Variants in ANK1 observed in about 807,000 individuals in gnomAD.
ANK1 encodes ankyrin 1.
A neutral mutation model predicts 210.4 loss-of-function variants in ANK1; 51 were observed. The ratio of observed to expected loss-of-function variants is 0.24; its 90% confidence interval spans 0.19 to 0.31. ANK1 has a LOEUF of 0.31. Ranked by LOEUF, ANK1 falls within the 10% of genes least tolerant of loss-of-function variation. ANK1 has a pLI of 1.00. For synonymous variants in ANK1, 967 were observed against 1,025.9 expected, an observed-to-expected ratio of 0.94 and a Z score of 1.10; for missense variants, 2,051 against 2,504.4, an observed-to-expected ratio of 0.82 and a Z score of 3.86.
At chr8:41,678,780 TTTTG>T (rs541612560) in intron 37 of ANK1, among the ~76,000 whole-genome samples, 3 of 152,168 alleles carry the variant, frequency 2.0e-5, no homozygotes, top group Non-Finnish European at 2.9e-5. Flanking sequence ...CTAATTCTTT[TTTTG>T]TTTGTTTGTT....
At position 41,727,315 on chromosome 8, in the gene ANK1, C is replaced by T; in HGVS notation, c.361G>A (p.Glu121Lys). 1 of 1,614,160 alleles carries T rather than the reference C, an allele frequency of 6.2e-7. No individual in the cohort carries two copies. The highest frequency in any genetic ancestry group is 8.5e-7 in the Non-Finnish European group (1 of 1,179,996). ...AACTTAACCACTTCCAAGTGGTTCTCTTGTGCTGCCATGTACAGGGGTGTA... is the reference window on the plus strand; with the variant it reads ...AACTTAACCACTTCCAAGTGGTTCTTTTGTGCTGCCATGTACAGGGGTGTA... ...GFTPLYMAAQ[E>K]NHLEVVKFLL... The change falls in exon 5 of 43, where the codon GAG (glutamate) becomes AAG (lysine). Residue 121 changes from glutamate (E) to lysine (K), a missense_variant. Physicochemically the swap from Glu to Lys is moderately conservative, Grantham distance 56. Around this residue, in one of 6 missense-constraint regions of ANK1, gnomAD observed 72 missense variants for 133.5 expected, o/e 0.54. Coordinates refer to ENST00000289734, the MANE Select transcript of ANK1 (RefSeq NM_000037.4).
intron 1 of ANK1, among the ~76,000 whole-genome samples, chr8:41,821,111 C>G (rs976771485): frequency 6.6e-6 from 1 of 152,150 alleles, no homozygotes; most frequent in Non-Finnish European, 1.5e-5. Flanking sequence ...ATAACCAACT[C>G]GAAATATGCT....
chr8:41,767,257 C>A (rs1842030374), intron 1 of ANK1, among the ~76,000 whole-genome samples: 1 of 151,926 alleles, frequency 6.6e-6, no homozygotes, highest in South Asian at 2.1e-4. Flanking sequence ...ACCCGCAGGA[C>A]GGACGCAGAG....
chr8:41,655,797 T>C (rs1348042884), intron 42 of ANK1, 44 bp from the exon 43 acceptor site: 3 of 1,604,230 alleles, frequency 1.9e-6, no homozygotes, highest in Non-Finnish European at 2.6e-6. Context: ...AATGCAAAAG[T>C]GCAACGTCCA....
intron 1 of ANK1, among the ~76,000 whole-genome samples, chr8:41,792,624 C>T (rs1023729677): frequency 2.6e-5 from 4 of 152,068 alleles, no homozygotes; most frequent in Admixed American, 6.5e-5. Flanking sequence ...CCGCTCACAG[C>T]GTGGAGGAGA....
chr8:41,824,832 TC>T (rs1482154589), intron 1 of ANK1, among the ~76,000 whole-genome samples: 1 of 152,106 alleles, frequency 6.6e-6, no homozygotes, highest in Non-Finnish European at 1.5e-5. Flanking sequence ...GTGCCTGAGC[TC>T]ACAGAGCGTG....
At position 41,725,068 on chromosome 8, in the gene ANK1, T is replaced by C. The variant is rs561670567; in HGVS notation, c.613-514A>G. Among the ~76,000 whole-genome samples, 4 of 152,286 alleles carry C rather than the reference T, an allele frequency of 2.6e-5. No homozygotes were observed. The East Asian group carries it at 7.7e-4, about 29-fold the overall frequency. ...TTAGAGGCAGGGTCTCACTATGTTGTCCAGGCTGGTCTCCAATTCCTGGGC... is the reference window on the plus strand; with the variant it reads ...TTAGAGGCAGGGTCTCACTATGTTGCCCAGGCTGGTCTCCAATTCCTGGGC... On this transcript the variant is annotated intron_variant, in intron 6 of 42. Transcript: ENST00000289734.
At chr8:41,735,280 T>C (rs546945987) in intron 2 of ANK1, among the ~76,000 whole-genome samples, 25 of 152,308 alleles carry the variant, frequency 1.6e-4, no homozygotes, top group African/African-American at 5.5e-4. Context: ...GAGCAAAATA[T>C]CAATTCCAAC....
At chr8:41,864,374 A>G (rs1813915704) in intron 1 of ANK1, among the ~76,000 whole-genome samples, 1 of 151,350 alleles carries the variant, frequency 6.6e-6, no homozygotes, top group African/African-American at 2.4e-5. Context: ...TGCCTGGGAG[A>G]CTCTTTTGAT....
At chr8:41,769,120 G>A (rs1382263048) in intron 1 of ANK1, among the ~76,000 whole-genome samples, 2 of 152,372 alleles carry the variant, frequency 1.3e-5, no homozygotes, top group Non-Finnish European at 2.9e-5. Flanking sequence ...TTGCCAAAAA[G>A]AGGGATCTGA....
At position 41,861,400 on chromosome 8, in the gene ANK1, A is replaced by G. The variant is rs542145363; in HGVS notation, c.126+34955T>C. Among the ~76,000 whole-genome samples the G allele has an allele frequency of 2.0e-5, 3 of 152,324 alleles. No homozygotes were observed. In the South Asian group the frequency reaches 6.2e-4, roughly 32 times the overall value. ...CTGCAGGACAGAACCCCCGATGAAC[A>G]TTTGCACTAATAAAGGCTTCGAAAG... On this transcript the variant is annotated intron_variant, in intron 1 of 42. Coordinates refer to the ANK1 transcript ENST00000265709.
At chr8:41,871,396 C>T (rs1477201449) in intron 1 of ANK1, among the ~76,000 whole-genome samples, 2 of 152,188 alleles carry the variant, frequency 1.3e-5, no homozygotes, top group East Asian at 3.9e-4. Flanking sequence ...CAGCGTCAAA[C>T]TCCTGGGTTC....
At chr8:41,762,471 A>G (rs1840707547) in intron 1 of ANK1, among the ~76,000 whole-genome samples, 1 of 152,164 alleles carries the variant, frequency 6.6e-6, no homozygotes. Context: ...GCAGGGACCA[A>G]GTCTTCTATC....
At chr8:41,833,514 T>C (rs1389084693) in intron 1 of ANK1, among the ~76,000 whole-genome samples, 1 of 152,194 alleles carries the variant, frequency 6.6e-6, no homozygotes, top group Non-Finnish European at 1.5e-5. Flanking sequence ...GCAACAAGGA[T>C]AAACGGAAGC....
At chr8:41,767,519 C>T (rs966720491) in intron 1 of ANK1, among the ~76,000 whole-genome samples, 3 of 152,150 alleles carry the variant, frequency 2.0e-5, no homozygotes, top group Non-Finnish European at 2.9e-5. Context: ...CCGGCCCGGC[C>T]CTGGCCCTGC....
chr8:41,653,618 G>A lies in ANK1; in HGVS notation c.*2172C>T, dbSNP rs886062930. The A allele has an allele frequency of 6.5e-6, 1 of 152,688 alleles. No individual in the cohort carries two copies. Among genetic ancestry groups the A allele is most frequent in the African/African-American group, 2.4e-5 (1 of 41,476 alleles). 9.5% of individuals were successfully genotyped at this position (152,688 alleles called of 1,614,324 possible). On this transcript the variant is annotated 3_prime_UTR_variant, in exon 43 of 43. Coordinates refer to ENST00000289734, the MANE Select transcript of ANK1 (RefSeq NM_000037.4). ...CTGGGAGAGGAAGGTGCAGGATCGA[G>A]GCGGGAGAGGCGAGCCCTGAGCCCA...
chr8:41,661,719 G>T lies in ANK1; in HGVS notation c.5545-155C>A, dbSNP rs1219439380. ...GAGAGCTCATAAAGAGGTGAGTGGA[G>T]GGAGGTGTCATGCAGACGGCCCGGC... On this transcript the variant is annotated intron_variant, in intron 41 of 42. Coordinates refer to ENST00000289734, the MANE Select transcript of ANK1 (RefSeq NM_000037.4). 3 of 1,599,742 alleles carry T rather than the reference G, an allele frequency of 1.9e-6. No individual in the cohort carries two copies. The African/African-American group carries it at 4.0e-5, about 21-fold the overall frequency.
intron 37 of ANK1, among the ~76,000 whole-genome samples, chr8:41,675,851 G>A (rs1002884289): frequency 3.3e-5 from 5 of 152,152 alleles, no homozygotes; most frequent in Non-Finnish European, 5.9e-5. Context: ...TTACATAAAC[G>A]GATTCATACA....
At position 41,717,615 on chromosome 8, in the gene ANK1, C is replaced by T. The variant is rs769707255; in HGVS notation, c.1294G>A (p.Val432Ile). 8 of 1,551,340 alleles carry T rather than the reference C, an allele frequency of 5.2e-6. No individual in the cohort carries two copies. The East Asian group carries it at 9.8e-5, about 19-fold the overall frequency. The change falls in exon 12 of 43, where the codon GTC (valine) becomes ATC (isoleucine). Residue 432 changes from valine to isoleucine, a missense_variant. Around this residue, in one of 6 missense-constraint regions of ANK1, gnomAD observed 1,413 missense variants for 1,707.4 expected, o/e 0.83. Coordinates refer to ENST00000289734, the MANE Select transcript of ANK1 (RefSeq NM_000037.4). The part of the protein sequence containing the change: ...NLLQRGASPN[V>I]SNVKVETPLH... ...GCCTGAGGGCTTACCACGTTGGAGACGTTGGGCGACGCCCCCCGCTGCAGG... is the reference window on the plus strand; with the variant it reads ...GCCTGAGGGCTTACCACGTTGGAGATGTTGGGCGACGCCCCCCGCTGCAGG...
Sources: gnomAD v4.1 joint callset for allele counts (sites outside exome capture counted in the v4.1 genomes callset) on GRCh38, gnomAD v4.1.1 for gene constraint, gnomAD v4.1.1 regional missense constraint, MANE v1.5 for transcripts, NCBI Gene and HGNC (gene_info 2026-07-23, HGNC 2026-07-21) for gene names.